The following CNTNAP2 variants were observed in gnomAD, a reference collection of about 807,000 sequenced individuals.
The protein encoded by CNTNAP2 is contactin associated protein 2, also known as contactin-associated protein-like 2.
In CNTNAP2, 98 loss-of-function variants were observed where a neutral mutation model predicts 155.2. The observed-to-expected ratio is 0.63, with a 90% CI of 0.54 to 0.75. The LOEUF is 0.75. CNTNAP2 is among the 30% of genes least tolerant of loss of function. CNTNAP2 has a pLI of 0.00. For synonymous variants in CNTNAP2, 651 were observed against 631.2 expected (o/e 1.03, Z -0.47); for missense variants, 1,727 against 1,688.1 (o/e 1.02, Z -0.40).
At chr7:147,137,154 AC>A (rs1031380970) in intron 8 of CNTNAP2, among the ~76,000 whole-genome samples, 7 of 151,564 alleles carry the variant, frequency 4.6e-5, no homozygotes, top group African/African-American at 1.7e-4. Context: ...TTGAAAACAA[AC>A]TACTGAAAAT....
intron 18 of CNTNAP2, among the ~76,000 whole-genome samples, chr7:148,175,493 A>G (rs1353834727): frequency 6.6e-6 from 1 of 152,164 alleles, no homozygotes; most frequent in Non-Finnish European, 1.5e-5. Context: ...GAATCTCAAT[A>G]CATTTAACAA....
chr7:147,611,491 C>T (rs192610894), intron 12 of CNTNAP2, among the ~76,000 whole-genome samples: 101 of 152,272 alleles, frequency 6.6e-4, no homozygotes, highest in Admixed American at 5.0e-3. Context: ...AAAACATTAA[C>T]GGATATCCTT....
At chr7:147,265,096 T>C (rs779444105) in intron 8 of CNTNAP2, among the ~76,000 whole-genome samples, 1 of 152,052 alleles carries the variant, frequency 6.6e-6, no homozygotes. Context: ...GACTCCCAGG[T>C]AAGGGAGGAG....
intron 3 of CNTNAP2, among the ~76,000 whole-genome samples, chr7:146,942,314 A>G (rs376042563): frequency 6.6e-6 from 1 of 152,112 alleles, no homozygotes; most frequent in African/African-American, 2.4e-5. Context: ...AGAAAAACCA[A>G]CTTTACTCAC....
chr7:147,377,919 G>A (rs1184066441), intron 9 of CNTNAP2: 6 of 437,604 alleles, frequency 1.4e-5, no homozygotes, highest in Non-Finnish European at 2.3e-5. Flanking sequence ...TAATTGGGAT[G>A]TATTGTCCTT....
chr7:147,893,567 G>A (rs1026364948), intron 13 of CNTNAP2, among the ~76,000 whole-genome samples: 1 of 152,172 alleles, frequency 6.6e-6, no homozygotes, highest in Non-Finnish European at 1.5e-5. Flanking sequence ...GGATCACAGG[G>A]ACACTGAGTC....
intron 8 of CNTNAP2, among the ~76,000 whole-genome samples, chr7:147,225,894 GGAAGGAAGGAAA>G (rs1298723903): frequency 1.7e-5 from 2 of 116,626 alleles, no homozygotes; most frequent in Non-Finnish European, 3.7e-5. Context: ...AAGGAAGGAA[GGAAGGAAGGAAA>G]GAAGGAAGGA....
At chr7:146,691,834 C>T (rs1476954913) in intron 1 of CNTNAP2, among the ~76,000 whole-genome samples, 2 of 152,008 alleles carry the variant, frequency 1.3e-5, no homozygotes, top group Non-Finnish European at 2.9e-5. Flanking sequence ...CCTGTAAATT[C>T]AACAGTGTTC....
chr7:146,406,663 G>T (rs4109977), intron 1 of CNTNAP2, among the ~76,000 whole-genome samples: 62,813 of 151,938 alleles, frequency 0.41, 14,825 homozygotes, highest in African/African-American at 0.64. Context: ...GGGGTTTCAG[G>T]CTTGGGCTGA....
chr7:148,320,207 C>G (rs905422381), intron 21 of CNTNAP2, among the ~76,000 whole-genome samples: 53 of 152,048 alleles, frequency 3.5e-4, no homozygotes, highest in Admixed American at 3.1e-3. Context: ...TCACCAATCA[C>G]TAGGGTTTAG....
intron 21 of CNTNAP2, among the ~76,000 whole-genome samples, chr7:148,267,512 A>G (rs549684020): frequency 3.9e-5 from 6 of 151,964 alleles, no homozygotes; most frequent in South Asian, 2.1e-4. Flanking sequence ...AAAATTAGCC[A>G]TGCATGGTGG....
intron 1 of CNTNAP2, among the ~76,000 whole-genome samples, chr7:146,422,621 G>T (rs1341792821): frequency 6.6e-6 from 1 of 151,816 alleles, no homozygotes; most frequent in Non-Finnish European, 1.5e-5. Context: ...TAATACCAAT[G>T]CTGTTTTATT....
chr7:148,135,665 A>T (rs929064932), intron 16 of CNTNAP2, among the ~76,000 whole-genome samples: 16 of 151,544 alleles, frequency 1.1e-4, no homozygotes, highest in African/African-American at 3.9e-4. Context: ...CCTGGTCAAC[A>T]TGGCAAAACC....
chr7:147,507,550 C>CTTTT (rs3052511), intron 11 of CNTNAP2, among the ~76,000 whole-genome samples: 395 of 81,968 alleles, frequency 4.8e-3, no homozygotes, highest in East Asian at 8.1e-3. Flanking sequence ...CTCTTTCTTT[C>CTTTT]TTTTTTTTTT....
At chr7:147,285,396 C>T (rs756165798) in intron 8 of CNTNAP2, among the ~76,000 whole-genome samples, 1 of 151,660 alleles carries the variant, frequency 6.6e-6, no homozygotes, top group East Asian at 1.9e-4. Context: ...TATTATGGAA[C>T]CAAAATTTTG....
At chr7:147,216,663 G>A (rs779201938) in intron 8 of CNTNAP2, among the ~76,000 whole-genome samples, 4 of 151,754 alleles carry the variant, frequency 2.6e-5, no homozygotes, top group Non-Finnish European at 5.9e-5. Flanking sequence ...AAATGTTCTG[G>A]GTCTTTTGCA....
At chr7:146,612,073 C>A (rs1799147357) in intron 1 of CNTNAP2, among the ~76,000 whole-genome samples, 1 of 152,090 alleles carries the variant, frequency 6.6e-6, no homozygotes, top group African/African-American at 2.4e-5. Flanking sequence ...CAGCCCCAAG[C>A]TTTATTTAAA....
chr7:147,961,307 G>A (rs1257217618), intron 14 of CNTNAP2, among the ~76,000 whole-genome samples: 6 of 151,848 alleles, frequency 4.0e-5, no homozygotes, highest in Non-Finnish European at 8.8e-5. Flanking sequence ...CTATTTATTT[G>A]CTACACCAGG....
intron 21 of CNTNAP2, among the ~76,000 whole-genome samples, chr7:148,367,433 T>C (rs1192277975): frequency 6.6e-6 from 1 of 152,138 alleles, no homozygotes; most frequent in Non-Finnish European, 1.5e-5. Context: ...ATCATTATAT[T>C]CATCTTTATA....
Sources: gnomAD v4.1 joint callset for allele counts (sites outside exome capture counted in the v4.1 genomes callset) on GRCh38, gnomAD v4.1.1 for gene constraint, MANE v1.5 for transcripts, NCBI Gene and HGNC (gene_info 2026-07-23, HGNC 2026-07-21) for gene names.